The following UPRT variants were observed in gnomAD, a reference collection of about 807,000 sequenced individuals.
UPRT encodes the protein uracil phosphoribosyltransferase homolog, also known as RP11-311P8.3.
A neutral mutation model predicts 22.6 loss-of-function variants in UPRT; 5 were observed. The ratio of observed to expected loss-of-function variants is 0.22; its 90% CI spans 0.12 to 0.47. The LOEUF is 0.47. Ranked by LOEUF, UPRT falls within the 20% of genes least tolerant of loss-of-function variation. UPRT has a pLI of 0.99. For missense variants in UPRT, 181 were observed against 239.9 expected, an observed-to-expected ratio of 0.75 and a Z score of 1.62; for synonymous variants, 77 against 87.7, an observed-to-expected ratio of 0.88 and a Z score of 0.68.
At chrX:75,289,252 G>A (rs1466370065) in intron 1 of UPRT, among the ~76,000 whole-genome samples, 1 of 110,854 alleles carries the variant, frequency 9.0e-6, no homozygotes, top group African/African-American at 3.3e-5. Flanking sequence ...ATCTAATCAA[G>A]GGGGCAAAAG....
intron 1 of UPRT, among the ~76,000 whole-genome samples, chrX:75,158,643 CTT>C (rs749626454): frequency 1.8e-5 from 2 of 111,609 alleles, no homozygotes; most frequent in Non-Finnish European, 3.8e-5. Context: ...GGAAGAAACA[CTT>C]GAGCAATTTA....
chrX:75,269,277 C>T (rs760009313), upstream of UPRT, among the ~76,000 whole-genome samples: 13 of 111,996 alleles, frequency 1.2e-4, no homozygotes, highest in Non-Finnish European at 2.1e-4. Context: ...AATGGAAAAA[C>T]ATTCCATGCT....
At chrX:75,266,462 T>C (rs985609704) in intron 4 of UPRT, among the ~76,000 whole-genome samples, 7 of 111,697 alleles carry the variant, frequency 6.3e-5, no homozygotes, top group African/African-American at 2.3e-4. Flanking sequence ...AAGATTTAAA[T>C]GTTAGACCTA....
rs755487762 is a variant in UPRT, at chrX:75,274,392, G to A, written c.138G>A (p.Arg46=). 8.3e-7 allele frequency: 1 copy of A among 1,211,415 alleles called. No individual in the cohort carries two copies. The highest frequency in any genetic ancestry group is 3.0e-5 in the East Asian group (1 of 33,787). ...LDHAGGNRAS[R]AKVILLTGYA... ...ACGCAGGGGGAAACAGAGCCTCCAG[G>A]GCCAAGGTGATTCTCCTCACGGGGT... The change falls in exon 1 of 7, where the codon AGG becomes AGA. Residue 46 remains arginine (R), a synonymous_variant. Transcript: ENST00000373383.
chrX:75,297,649 C>A, intron 4 of UPRT, 96 bp downstream of exon 4: 3 of 974,220 alleles, frequency 3.1e-6, no homozygotes, highest in Non-Finnish European at 4.4e-6. Flanking sequence ...ATAATTGCAG[C>A]CTGCCTTTAG....
intron 3 of UPRT, 114 bp from the exon 4 acceptor site, chrX:75,297,377 G>A (rs898299355): frequency 3.2e-6 from 2 of 630,874 alleles, no homozygotes; most frequent in Non-Finnish European, 5.1e-6. Context: ...ATTATACAGT[G>A]TGTCTGAACA....
At position 75,274,298 on chromosome X, in the gene UPRT, A is replaced by G. The variant is rs1466085842; in HGVS notation, c.44A>G (p.Asn15Ser). 5.8e-6 allele frequency: 7 copies of G among 1,211,139 alleles called. No individual in the cohort carries two copies. Among genetic ancestry groups the G allele is most frequent in the Non-Finnish European group, 7.8e-6 (7 of 895,177 alleles). The change falls in exon 1 of 7, where the codon AAC (asparagine) becomes AGC (serine). Residue 15 changes from asparagine to serine, a missense_variant. Physicochemically the swap from Asn to Ser is conservative, Grantham distance 46. Coordinates refer to ENST00000373383, the MANE Select transcript of UPRT (RefSeq NM_145052.4). ...LQCPDSMPCH[N>S]QQVNSASTPS... ...TGTCCGGACTCCATGCCCTGTCACA[A>G]CCAGCAAGTAAACTCTGCCTCAACC...
intron 4 of UPRT, among the ~76,000 whole-genome samples, chrX:75,185,457 A>G (rs1218215543): frequency 8.9e-6 from 1 of 111,990 alleles, no homozygotes; most frequent in Non-Finnish European, 1.9e-5. Context: ...ATCTATGTTC[A>G]TCAAGGATAT....
At chrX:75,275,187 C>A (rs2082626660) in intron 1 of UPRT, among the ~76,000 whole-genome samples, 1 of 111,690 alleles carries the variant, frequency 9.0e-6, no homozygotes, top group Non-Finnish European at 1.9e-5. Context: ...AGCTTATCGT[C>A]CAACTCTTAT....
intron 4 of UPRT, among the ~76,000 whole-genome samples, chrX:75,236,372 C>T (rs926038360): frequency 9.0e-6 from 1 of 111,294 alleles, no homozygotes; most frequent in African/African-American, 3.3e-5. Flanking sequence ...GGCCATACTG[C>T]CCAAGGTAAT....
chrX:75,251,633 C>T (rs977606024), intron 4 of UPRT, among the ~76,000 whole-genome samples: 2 of 111,681 alleles, frequency 1.8e-5, no homozygotes, highest in African/African-American at 6.5e-5. Context: ...AATGGCCATA[C>T]TGCCCAAGGT....
intron 2 of UPRT, 42 bp downstream of exon 2, chrX:75,293,556 G>A (rs771125246): frequency 3.4e-6 from 4 of 1,164,188 alleles, no homozygotes; most frequent in Non-Finnish European, 3.4e-6. Context: ...GTTTTGCCTA[G>A]TGATATAACC....
chrX:75,164,953 A>G (rs1341953456), intron 3 of UPRT, among the ~76,000 whole-genome samples: 1 of 107,464 alleles, frequency 9.3e-6, no homozygotes, highest in Non-Finnish European at 1.9e-5. Flanking sequence ...AATTATGATA[A>G]ATTGTTTTGT....
At chrX:75,281,008 G>T (rs911006862) in intron 1 of UPRT, among the ~76,000 whole-genome samples, 13 of 110,252 alleles carry the variant, frequency 1.2e-4, no homozygotes, top group Non-Finnish European at 2.3e-4. Context: ...AATTCCTAAG[G>T]ATTTTATTTT....
chrX:75,225,323 CCACACACACACACACACACACA>C (rs57493246), intron 4 of UPRT, among the ~76,000 whole-genome samples: 1 of 82,040 alleles, frequency 1.2e-5, no homozygotes, highest in East Asian at 4.3e-4. Flanking sequence ...AAACCAAAAA[CCACACACACACACACACACACA>C]CACACACACA....
chrX:75,167,191 A>C (rs1291071905), intron 3 of UPRT, among the ~76,000 whole-genome samples: 1 of 111,832 alleles, frequency 8.9e-6, no homozygotes, highest in Non-Finnish European at 1.9e-5. Flanking sequence ...TGTAATTTGC[A>C]CTTTCCCTAT....
intron 4 of UPRT, among the ~76,000 whole-genome samples, chrX:75,231,784 A>G (rs969110781): frequency 1.8e-5 from 2 of 112,399 alleles, no homozygotes; most frequent in Admixed American, 9.4e-5. Context: ...GAAGGGATCC[A>G]GGTCTTATTG....
At chrX:75,192,865 G>A (rs923757901) in intron 4 of UPRT, among the ~76,000 whole-genome samples, 3 of 111,778 alleles carry the variant, frequency 2.7e-5, no homozygotes, top group African/African-American at 9.8e-5. Flanking sequence ...TTGCATGGGG[G>A]ATGGGTCTCT....
At chrX:75,179,480 A>AGGT (rs771300212) in intron 4 of UPRT, among the ~76,000 whole-genome samples, 1 of 113,519 alleles carries the variant, frequency 8.8e-6, no homozygotes, top group African/African-American at 3.2e-5. Context: ...CCAGGGCTGC[A>AGGT]GGAGCTGCCT....
Sources: gnomAD v4.1 joint callset for allele counts (sites outside exome capture counted in the v4.1 genomes callset) on GRCh38, gnomAD v4.1.1 for gene constraint, MANE v1.5 for transcripts, NCBI Gene and HGNC (gene_info 2026-07-23, HGNC 2026-07-21) for gene names.